CCN6: variants seen among roughly 807,000 people sequenced by gnomAD.
CCN6 encodes cellular communication network factor 6, also known as CCN family member 6.
A neutral mutation model predicts 37.4 loss-of-function variants in CCN6; 31 were observed. The observed-to-expected ratio is 0.83, with a 90% CI of 0.62 to 1.12. The LOEUF (loss-of-function observed/expected upper bound fraction) is 1.12. Ranked by LOEUF, CCN6 falls within the 50% of genes most tolerant of loss-of-function variation. CCN6 has a pLI of 0.00. For missense variants in CCN6, 369 were observed against 413.8 expected (o/e 0.89, Z 0.94); for synonymous variants, 137 against 142.1 (o/e 0.96, Z 0.26).
chr6:112,053,365 C>T (rs1776259144), upstream of CCN6, among the ~76,000 whole-genome samples: 1 of 150,692 alleles, frequency 6.6e-6, no homozygotes, highest in Non-Finnish European at 1.5e-5. Flanking sequence ...GGTGCGATCT[C>T]GGCTCACTGC....
intron 1 of CCN6, among the ~76,000 whole-genome samples, chr6:112,055,800 A>G (rs1402091966): frequency 6.6e-6 from 1 of 152,112 alleles, no homozygotes; most frequent in Admixed American, 6.5e-5. Flanking sequence ...CTGTTGGCCA[A>G]GCTGGTCTTG....
chr6:112,067,136 G>C, intron 3 of CCN6: 1 of 851,324 alleles, frequency 1.2e-6, no homozygotes, highest in Non-Finnish European at 1.6e-6. Context: ...TTAAAATAGA[G>C]CACATACTTT....
In CCN6 at chr6:112,054,230, A is replaced by G. The variant is rs1776276436; in HGVS notation, c.-128A>G. ...GCTGAAAGTTGGTAGTGTGGGAGGT[A>G]GAGGGTGTGTGTTCTTGTGCAGAGG... is the stretch of plus-strand genomic sequence containing the variant. On this transcript the variant is annotated 5_prime_UTR_variant, in exon 1 of 5. Coordinates refer to ENST00000368666, the MANE Select transcript of CCN6 (RefSeq NM_198239.2). The G allele has an allele frequency of 1.6e-6, 2 of 1,249,714 alleles. No homozygotes were observed. The highest frequency in any genetic ancestry group is 2.4e-6 in the Non-Finnish European group (2 of 847,542). 77.4% of individuals were successfully genotyped at this position (1,249,714 alleles called of 1,614,324 possible).
At chr6:112,054,099 C>A, upstream of CCN6, 2 of 637,750 alleles carry the variant, frequency 3.1e-6, no homozygotes, top group Non-Finnish European at 5.7e-6. Flanking sequence ...GGAAAGTGCT[C>A]GCCCATTCCT....
intron 3 of CCN6, among the ~76,000 whole-genome samples, chr6:112,065,579 C>CACACACACGCACACACACACAA (rs587619367): frequency 0.039 from 4,198 of 106,696 alleles, 123 homozygotes; most frequent in Non-Finnish European, 0.064. Context: ...CACACACAAA[C>CACACACACGCACACACACACAA]ACACACACGC....
At position 112,061,146 on chromosome 6, in the gene CCN6, G is replaced by A; in HGVS notation, c.204G>A (p.Val68=). The A allele has an allele frequency of 1.2e-6, 2 of 1,614,178 alleles. No individual in the cohort carries two copies. Among genetic ancestry groups the A allele is most frequent in the East Asian group, 4.5e-5 (2 of 44,882 alleles). Residue 68 remains valine (V), a synonymous_variant, in exon 2 of 5, where the codon GTG becomes GTA. Coordinates refer to ENST00000368666, the MANE Select transcript of CCN6 (RefSeq NM_198239.2). ...GTTGCCCTCCTGGAGTGAGCCTGGTGAGAGATGGCTGTGGATGCTGTAAAA... is the reference window on the plus strand; with the variant it reads ...GTTGCCCTCCTGGAGTGAGCCTGGTAAGAGATGGCTGTGGATGCTGTAAAA... ...KPRCPPGVSL[V]RDGCGCCKIC...
At chr6:112,063,739 C>T (rs1554313312) in intron 2 of CCN6, among the ~76,000 whole-genome samples, 1 of 152,162 alleles carries the variant, frequency 6.6e-6, no homozygotes, top group Non-Finnish European at 1.5e-5. Context: ...ATACACAAGT[C>T]TGAATAACCA....
intron 4 of CCN6, 37 bp downstream of exon 4, chr6:112,068,435 A>ACT: frequency 6.4e-7 from 1 of 1,551,192 alleles, no homozygotes; most frequent in Non-Finnish European, 8.8e-7. Flanking sequence ...TTCAATATTA[A>ACT]GAGATTCCTG....
At chr6:112,063,434 T>C (rs953807613) in intron 2 of CCN6, among the ~76,000 whole-genome samples, 1 of 152,242 alleles carries the variant, frequency 6.6e-6, no homozygotes, top group Non-Finnish European at 1.5e-5. Context: ...TCATGTATAA[T>C]TTTGCCATTC....
Position 112,069,515 on chromosome 6 carries a change from A to ATT in CCN6, c.960_961insTT (p.Asn321LeufsTer50). 2 of 1,613,818 alleles carry ATT rather than the reference A, an allele frequency of 1.2e-6. No individual in the cohort carries two copies. The highest frequency in any genetic ancestry group is 1.7e-6 in the Non-Finnish European group (2 of 1,179,840). On this transcript the variant is annotated frameshift_variant, in exon 5 of 5. Transcript: ENST00000368666. LOFTEE classifies it high-confidence loss of function. Reference sequence around the variant, plus strand: ...TGATTACTATTCAATTTGATTGCCCAAATGAGGGGTCATTTAAATGGAAGA... The same window carrying ATT: ...TGATTACTATTCAATTTGATTGCCCATTAATGAGGGGTCATTTAAATGGAAGA...
At chr6:112,059,502 A>C (rs1776446104) in intron 1 of CCN6, among the ~76,000 whole-genome samples, 1 of 152,086 alleles carries the variant, frequency 6.6e-6, no homozygotes, top group South Asian at 2.1e-4. Flanking sequence ...TTCTGCCATC[A>C]CATCTTCTCT....
chr6:112,068,785 T>C (rs964091817), intron 4 of CCN6, among the ~76,000 whole-genome samples: 1 of 152,146 alleles, frequency 6.6e-6, no homozygotes, highest in Non-Finnish European at 1.5e-5. Flanking sequence ...TAAAACACTA[T>C]GATAAAATAT....
upstream of CCN6, among the ~76,000 whole-genome samples, chr6:112,053,769 C>T (rs191928763): frequency 4.2e-4 from 63 of 150,468 alleles, no homozygotes; most frequent in African/African-American, 1.5e-3. Flanking sequence ...TGGGTGCCTC[C>T]GAGAGAATCT....
chr6:112,060,449 C>T (rs1158558116), intron 1 of CCN6, among the ~76,000 whole-genome samples: 1 of 152,074 alleles, frequency 6.6e-6, no homozygotes, highest in Admixed American at 6.5e-5. Flanking sequence ...AAGAGTCAAG[C>T]ATGATCTGAT....
rs781994993 is a variant in CCN6, at chr6:112,069,386, T to C, written c.831T>C (p.Ala277=). 6.2e-7 allele frequency: 1 copy of C among 1,613,658 alleles called. No homozygotes were observed. The highest frequency in any genetic ancestry group is 8.5e-7 in the Non-Finnish European group (1 of 1,179,864). The stretch of plus-strand genomic sequence containing the variant: ...AACCTACTTTCCAACTCTCCAAAGC[T>C]GAAAAATTTGTCTTTTCTGGATGCT... ...TCQPTFQLSK[A]EKFVFSGCSS... Residue 277 remains alanine, a synonymous_variant, in exon 5 of 5, where the codon GCT becomes GCC. Transcript: ENST00000368666.
intron 2 of CCN6, among the ~76,000 whole-genome samples, chr6:112,063,067 C>T (rs1776574048): frequency 6.6e-6 from 1 of 152,118 alleles, no homozygotes. Flanking sequence ...AAAAGAGTGT[C>T]ATTGTTTTAC....
At chr6:112,065,601 A>C (rs13200576) in intron 3 of CCN6, among the ~76,000 whole-genome samples, 1,480 of 144,172 alleles carry the variant, frequency 0.01, 20 homozygotes, top group African/African-American at 0.034. Flanking sequence ...CACACACACA[A>C]ACACACACGC....
chr6:112,066,277 T>C (rs899190174), intron 3 of CCN6, among the ~76,000 whole-genome samples: 1 of 152,168 alleles, frequency 6.6e-6, no homozygotes, highest in Non-Finnish European at 1.5e-5. Context: ...TTTTTTTTTT[T>C]CAAAATGTAC....
rs782792608 is a variant in CCN6, at chr6:112,069,576, T to A, written c.1021T>A (p.Cys341Ser). The change falls in exon 5 of 5, where the codon TGC becomes AGC. Residue 341 changes from cysteine to serine, a missense_variant. Cys to Ser is a moderately radical substitution (Grantham distance 112). Coordinates refer to ENST00000368666, the MANE Select transcript of CCN6 (RefSeq NM_198239.2). ...TACATCTTGTGTGTGTCAGAGAAAC[T>A]GCAGAGAACCTGGAGATATATTTTC... ...WITSCVCQRN[C>S]REPGDIFSEL... 6.2e-7 allele frequency: 1 copy of A among 1,613,612 alleles called. No homozygotes were observed. The highest frequency in any genetic ancestry group is 1.3e-5 in the African/African-American group (1 of 74,898).
Sources: allele counts gnomAD v4.1 joint callset (sites outside exome capture counted in the v4.1 genomes callset), GRCh38; gene constraint gnomAD v4.1.1; transcripts MANE v1.5; gene names NCBI Gene and HGNC (gene_info 2026-07-23, HGNC 2026-07-21).